The following SPIDR variants were observed in gnomAD, a reference collection of about 807,000 sequenced individuals.
The protein encoded by SPIDR is scaffold protein involved in DNA repair, also known as DNA repair-scaffolding protein.
SPIDR carries 93 observed loss-of-function variants against 104.6 expected under a neutral mutation model. The ratio of observed to expected loss-of-function variants is 0.89; its 90% confidence interval spans 0.75 to 1.06. SPIDR has a LOEUF of 1.06. SPIDR is among the 50% of genes least tolerant of loss of function. The probability of loss-of-function intolerance (pLI) is 0.00; values close to 1 mark genes in which losing one functional copy is unlikely to be tolerated. For missense variants in SPIDR, 1,154 were observed against 1,111.2 expected, an observed-to-expected ratio of 1.04 and a Z score of -0.55; for synonymous variants, 431 against 416.9, an observed-to-expected ratio of 1.03 and a Z score of -0.41.
chr8:47,400,835 T>C (rs577034854), intron 6 of SPIDR, among the ~76,000 whole-genome samples: 11 of 151,758 alleles, frequency 7.2e-5, no homozygotes, highest in African/African-American at 2.7e-4. Flanking sequence ...TTATTATATC[T>C]TGAAAAGACA....
At chr8:47,262,320 C>CT (rs980020126) in intron 1 of SPIDR, among the ~76,000 whole-genome samples, 23 of 151,416 alleles carry the variant, frequency 1.5e-4, no homozygotes, top group Middle Eastern at 3.4e-3. Flanking sequence ...TTTCAAGACT[C>CT]TTTTTTTTTA....
chr8:47,727,691 A>C (rs1017012458), intron 17 of SPIDR, among the ~76,000 whole-genome samples: 41 of 152,230 alleles, frequency 2.7e-4, no homozygotes, highest in African/African-American at 8.7e-4. Context: ...GTCCCTGCCC[A>C]CCCCACTATG....
chr8:47,603,899 A>G (rs2062621660), intron 10 of SPIDR, among the ~76,000 whole-genome samples: 1 of 151,434 alleles, frequency 6.6e-6, no homozygotes. Flanking sequence ...TTGATGTTTT[A>G]CTCCTCTTTT....
At chr8:47,519,123 TTTGTTGTTGTTGTTG>T (rs371410579) in intron 8 of SPIDR, among the ~76,000 whole-genome samples, 18 of 151,098 alleles carry the variant, frequency 1.2e-4, no homozygotes, top group East Asian at 5.9e-4. Flanking sequence ...GGCTATGTGT[TTTGTTGTTGTTGTTG>T]TTGTTGTTGT....
chr8:47,290,602 T>A (rs1200948109), intron 3 of SPIDR, among the ~76,000 whole-genome samples: 1 of 152,244 alleles, frequency 6.6e-6, no homozygotes, highest in Non-Finnish European at 1.5e-5. Context: ...TTAAGCACCC[T>A]GCTACCAGAG....
Position 47,436,194 on chromosome 8 carries a change from C to T in SPIDR, c.878-4129C>T, listed in dbSNP as rs1224134039. On this transcript the variant is annotated intron_variant, in intron 7 of 19. Coordinates refer to ENST00000297423, the MANE Select transcript of SPIDR (RefSeq NM_001080394.4). ...TAGCCGCTACTGTGTCCATTTAAAA[C>T]GGAGGACACTCTTACAAGAGAGTTA... Among the ~76,000 whole-genome samples the T allele has an allele frequency of 5.3e-5, 8 of 152,096 alleles. No homozygotes were observed. The South Asian group carries it at 6.2e-4, about 12-fold the overall frequency.
At position 47,729,409 on chromosome 8, in the gene SPIDR, C is replaced by G. The variant is rs775217958; in HGVS notation, c.2551-3C>G. 5.7e-6 allele frequency: 9 copies of G among 1,589,858 alleles called. No homozygotes were observed. The South Asian group carries it at 8.1e-5, about 14-fold the overall frequency. ...TAACCCAGCCCTGCTTCTGCTGTTG[C>G]AGCTGTTGCAGCGCAGCATTTCCTC... On this transcript the variant is annotated splice_polypyrimidine_tract_variant and splice_region_variant and intron_variant, in intron 18 of 19. Transcript: ENST00000297423.
intron 5 of SPIDR, among the ~76,000 whole-genome samples, chr8:47,321,706 T>C (rs1273458265): frequency 1.3e-5 from 2 of 152,190 alleles, no homozygotes; most frequent in Non-Finnish European, 2.9e-5. Flanking sequence ...ACTACAAGGC[T>C]GCAGTAACCA....
chr8:47,600,447 C>T (rs984655305), intron 10 of SPIDR, among the ~76,000 whole-genome samples: 7 of 152,162 alleles, frequency 4.6e-5, no homozygotes, highest in Non-Finnish European at 8.8e-5. Flanking sequence ...AATTATGAAT[C>T]ATCTTCAAGT....
intron 3 of SPIDR, among the ~76,000 whole-genome samples, chr8:47,288,997 G>C (rs892072985): frequency 6.6e-6 from 1 of 152,012 alleles, no homozygotes; most frequent in Non-Finnish European, 1.5e-5. Flanking sequence ...TATTCCTTGT[G>C]GGAAGGAGCT....
chr8:47,646,292 A>G (rs568857903), intron 10 of SPIDR, among the ~76,000 whole-genome samples: 1 of 152,144 alleles, frequency 6.6e-6, no homozygotes, highest in East Asian at 1.9e-4. Context: ...GGCAATAAAC[A>G]CTCTTCCTTT....
chr8:47,570,699 A>G lies in SPIDR; in HGVS notation c.1098-25112A>G, dbSNP rs567924665. On this transcript the variant is annotated intron_variant, in intron 8 of 19. Coordinates refer to ENST00000297423, the MANE Select transcript of SPIDR (RefSeq NM_001080394.4). Reference sequence around the variant, plus strand: ...CATAGAGAATATATAAAAAATTCTTACCACTCAGTAATAAAAAGACAACCT... The same window carrying G: ...CATAGAGAATATATAAAAAATTCTTGCCACTCAGTAATAAAAAGACAACCT... Among the ~76,000 whole-genome samples, 10 of 152,338 alleles carry G rather than the reference A, an allele frequency of 6.6e-5. No homozygotes were observed. The South Asian group carries it at 8.3e-4, about 13-fold the overall frequency.
At chr8:47,265,339 C>T (rs1554545834) in intron 1 of SPIDR, among the ~76,000 whole-genome samples, 1 of 151,814 alleles carries the variant, frequency 6.6e-6, no homozygotes, top group African/African-American at 2.4e-5. Flanking sequence ...ACAGGCCATG[C>T]CACTGTGCCT....
intron 8 of SPIDR, among the ~76,000 whole-genome samples, chr8:47,461,242 T>A (rs1175738955): frequency 6.6e-6 from 1 of 152,236 alleles, no homozygotes; most frequent in African/African-American, 2.4e-5. Context: ...AAATATGTTT[T>A]ACAAATGTTT....
At chr8:47,311,508 G>GC (rs2044148885) in intron 5 of SPIDR, among the ~76,000 whole-genome samples, 1 of 152,136 alleles carries the variant, frequency 6.6e-6, no homozygotes. Flanking sequence ...TTATAGTGAA[G>GC]CTGTTGAAAA....
chr8:47,655,678 C>G (rs1588885102), intron 10 of SPIDR, among the ~76,000 whole-genome samples: 1 of 152,144 alleles, frequency 6.6e-6, no homozygotes, highest in Non-Finnish European at 1.5e-5. Context: ...TGTAGGTTGC[C>G]TGTTCACTGT....
At chr8:47,402,212 GA>G (rs1554663597) in intron 6 of SPIDR, among the ~76,000 whole-genome samples, 2 of 152,180 alleles carry the variant, frequency 1.3e-5, no homozygotes. Context: ...GCAGTGTGTA[GA>G]GGGAAATTTA....
At chr8:47,341,501 GTAA>G (rs1179793839) in intron 5 of SPIDR, among the ~76,000 whole-genome samples, 1 of 151,926 alleles carries the variant, frequency 6.6e-6, no homozygotes, top group Non-Finnish European at 1.5e-5. Flanking sequence ...ATTTAAATTA[GTAA>G]TAATAGGTTA....
chr8:47,363,288 C>T (rs1306643396), intron 5 of SPIDR, among the ~76,000 whole-genome samples: 1 of 135,416 alleles, frequency 7.4e-6, no homozygotes, highest in Non-Finnish European at 1.5e-5. Flanking sequence ...TTGCTGCAAG[C>T]TGTGCCTCCC....
Sources: allele counts gnomAD v4.1 joint callset (sites outside exome capture counted in the v4.1 genomes callset), GRCh38; gene constraint gnomAD v4.1.1; transcripts MANE v1.5; gene names NCBI Gene and HGNC (gene_info 2026-07-23, HGNC 2026-07-21).